The following GPRC5C variants were observed in gnomAD, a reference collection of about 807,000 sequenced individuals.
GPRC5C encodes the protein G protein-coupled receptor class C group 5 member C.
A neutral mutation model predicts 31.4 loss-of-function variants in GPRC5C; 22 were observed. That is an observed-to-expected ratio of 0.70 (90% CI 0.50 to 1.00). GPRC5C has a LOEUF of 1.00. GPRC5C is among the 50% of genes least tolerant of loss of function. The pLI is 0.00. For synonymous variants in GPRC5C, 249 were observed against 257.5 expected, an observed-to-expected ratio of 0.97 and a Z score of 0.32; for missense variants, 557 against 597.2, an observed-to-expected ratio of 0.93 and a Z score of 0.70.
intron 2 of GPRC5C, 85 bp from the exon 3 acceptor site, chr17:74,443,733 C>T (rs1423683095): frequency 1.9e-6 from 2 of 1,051,962 alleles, no homozygotes; most frequent in African/African-American, 1.6e-5. Context: ...TCCCTGCCCC[C>T]AGAGAGCCTT....
intron 3 of GPRC5C, among the ~76,000 whole-genome samples, chr17:74,444,838 G>T (rs543090722): frequency 6.6e-6 from 1 of 152,182 alleles, no homozygotes; most frequent in Non-Finnish European, 1.5e-5. Flanking sequence ...ACTCCCCAGC[G>T]CGTTTGGAGT....
At chr17:74,433,575 C>A (rs776387224) in intron 1 of GPRC5C, 4 of 772,314 alleles carry the variant, frequency 5.2e-6, no homozygotes, top group Non-Finnish European at 6.9e-6. Context: ...GGGACCTAAC[C>A]AGGGACTGGG....
chr17:74,441,111 C>T (rs759212841), intron 2 of GPRC5C, among the ~76,000 whole-genome samples: 15 of 151,886 alleles, frequency 9.9e-5, no homozygotes, highest in Middle Eastern at 3.4e-3. Flanking sequence ...CCCGTCTCTA[C>T]TAGAAATCCA....
chr17:74,433,835 G>A, intron 1 of GPRC5C: 1 of 1,051,704 alleles, frequency 9.5e-7, no homozygotes, highest in Non-Finnish European at 1.5e-6. Flanking sequence ...CTGGTGGGTG[G>A]AGGGGGTCTC....
At chr17:74,450,879 G>C (rs1023028028), downstream of GPRC5C, 1 of 152,268 alleles carries the variant, frequency 6.6e-6, no homozygotes, top group African/African-American at 2.4e-5. Context: ...CTGGGTGCCG[G>C]GGTGGAGGAT....
chr17:74,451,456 T>C (rs1030953979), downstream of GPRC5C: 2 of 152,196 alleles, frequency 1.3e-5, no homozygotes, highest in Admixed American at 1.3e-4. Flanking sequence ...GGCAGCTTCT[T>C]TGAGGTGGTC....
At chr17:74,432,679 G>A (rs2055372693) in intron 1 of GPRC5C, among the ~76,000 whole-genome samples, 1 of 151,488 alleles carries the variant, frequency 6.6e-6, no homozygotes. Context: ...ACCCGAGCCG[G>A]CTGGGGACTG....
intron 1 of GPRC5C, among the ~76,000 whole-genome samples, chr17:74,434,529 C>T (rs2055403114): frequency 6.6e-6 from 1 of 152,194 alleles, no homozygotes; most frequent in Non-Finnish European, 1.5e-5. Flanking sequence ...AGTGCAGGGT[C>T]TGGGGACCCA....
At chr17:74,441,791 T>A (rs1281855299) in intron 2 of GPRC5C, among the ~76,000 whole-genome samples, 3 of 151,312 alleles carry the variant, frequency 2.0e-5, no homozygotes, top group Non-Finnish European at 4.4e-5. Context: ...ACCACCACAT[T>A]CCAGCCTGGA....
intron 1 of GPRC5C, among the ~76,000 whole-genome samples, chr17:74,435,068 A>T (rs1227323348): frequency 4.6e-5 from 7 of 151,176 alleles, no homozygotes; most frequent in African/African-American, 1.5e-4. Flanking sequence ...AAATAGAAAA[A>T]ATTAGCCGGG....
intron 2 of GPRC5C, 185 bp from the exon 3 acceptor site, chr17:74,443,633 G>T (rs1406337854): frequency 1.4e-6 from 1 of 700,828 alleles, no homozygotes; most frequent in Admixed American, 2.0e-5. Flanking sequence ...CTAGGCTTGG[G>T]AGGGGGCCCC....
At position 74,440,979 on chromosome 17, in the gene GPRC5C, G is replaced by T. The variant is rs1480900852; in HGVS notation, c.1051+152G>T. ...GTCTCTAAATTCCATTTAATTTAAAGATTTTTTTTTTTCAGTTGGGCATGG... is the reference window on the plus strand; with the variant it reads ...GTCTCTAAATTCCATTTAATTTAAATATTTTTTTTTTTCAGTTGGGCATGG... On this transcript the variant is annotated intron_variant, in intron 2 of 3. Coordinates refer to ENST00000392627, the MANE Select transcript of GPRC5C (RefSeq NM_022036.4). This position sits in a 1 kb window ranked among gnomAD's most constrained non-coding sequence, Gnocchi z 4.4. 7.2e-6 allele frequency: 4 copies of T among 555,130 alleles called. No individual in the cohort carries two copies. The highest frequency in any genetic ancestry group is 7.8e-6 in the Non-Finnish European group (3 of 383,434). The allele number at this position is 555,130 out of a possible 1,614,324, so 34.4% of individuals were successfully genotyped here.
intron 1 of GPRC5C, chr17:74,433,683 C>T (rs1156484593): frequency 6.2e-7 from 1 of 1,605,962 alleles, no homozygotes; most frequent in African/African-American, 1.3e-5. Context: ...GGCAAGTGCT[C>T]TGTGGTATCC....
At chr17:74,443,448 T>G in intron 2 of GPRC5C, 1 of 382,874 alleles carries the variant, frequency 2.6e-6, no homozygotes, top group Non-Finnish European at 5.1e-6. Flanking sequence ...CTGGCCATCT[T>G]GGAAGGCGGC....
intron 2 of GPRC5C, chr17:74,443,595 C>T (rs1281637141): frequency 1.5e-6 from 1 of 680,252 alleles, no homozygotes; most frequent in Non-Finnish European, 2.7e-6. Context: ...CAGTGTTGTT[C>T]ACTCCCATGC....
downstream of GPRC5C, among the ~76,000 whole-genome samples, chr17:74,448,536 C>A (rs1453821361): frequency 2.0e-5 from 3 of 152,110 alleles, no homozygotes; most frequent in Non-Finnish European, 4.4e-5. Flanking sequence ...TGCCACCACA[C>A]CTGGCTAACT....
Position 74,435,226 on chromosome 17 carries a change from G to GAA in GPRC5C, c.-33+3094_-33+3095dup, listed in dbSNP as rs558671895. 1.7e-4 allele frequency among the ~76,000 whole-genome samples: 25 copies of GAA among 147,892 alleles called. No homozygotes were observed. The South Asian group carries it at 5.4e-3, about 32-fold the overall frequency. Reference sequence around the variant, plus strand: ...AGAGCGAGACTCCGTCTCAAAAAAAGAAAAAAAAAAGGCATTGGCTGAATG... The same window carrying GAA: ...AGAGCGAGACTCCGTCTCAAAAAAAGAAAAAAAAAAAAGGCATTGGCTGAATG... On this transcript the variant is annotated intron_variant, in intron 1 of 3. Transcript: ENST00000392627.
At chr17:74,437,486 C>T (rs1567957488) in intron 1 of GPRC5C, among the ~76,000 whole-genome samples, 1 of 152,112 alleles carries the variant, frequency 6.6e-6, no homozygotes, top group Non-Finnish European at 1.5e-5. Context: ...GCTAAGACGA[C>T]CTAAATATTT....
chr17:74,450,531 G>A (rs2055703940), downstream of GPRC5C: 1 of 152,240 alleles, frequency 6.6e-6, no homozygotes, highest in Non-Finnish European at 1.5e-5. Context: ...GTAGGTAAGT[G>A]GGATCCTCAG....
Sources: allele counts gnomAD v4.1 joint callset (sites outside exome capture counted in the v4.1 genomes callset), GRCh38; gene constraint gnomAD v4.1.1; non-coding constraint Gnocchi (gnomAD v3.1); transcripts MANE v1.5; gene names NCBI Gene and HGNC (gene_info 2026-07-23, HGNC 2026-07-21).